The following MIR2052HG variants were observed in gnomAD, a reference collection of about 807,000 sequenced individuals.
MIR2052HG encodes MIR2052 host gene.
intron 5 of MIR2052HG, among the ~76,000 whole-genome samples, chr8:74,755,117 A>G (rs1418252668): frequency 6.6e-6 from 1 of 152,350 alleles, no homozygotes; most frequent in Admixed American, 6.5e-5. Context: ...TCTAAATCAT[A>G]ATAGCTCCTA....
intron 2 of MIR2052HG, among the ~76,000 whole-genome samples, chr8:74,695,499 T>G (rs2128740282): frequency 6.6e-6 from 1 of 152,204 alleles, no homozygotes; most frequent in East Asian, 1.9e-4. Context: ...AATGCTCCAC[T>G]TAAAGGATGC....
At chr8:74,670,005 C>T (rs981071207) in intron 2 of MIR2052HG, among the ~76,000 whole-genome samples, 4 of 152,164 alleles carry the variant, frequency 2.6e-5, no homozygotes, top group African/African-American at 9.7e-5. Context: ...TCTAATAGGA[C>T]TGTGACCTTG....
chr8:74,636,355 C>G (rs1275613165), intron 2 of MIR2052HG, among the ~76,000 whole-genome samples: 3 of 152,022 alleles, frequency 2.0e-5, no homozygotes, highest in Non-Finnish European at 4.4e-5. Context: ...ATTTAGGATG[C>G]TTTTACATTT....
At chr8:74,745,205 G>A (rs561932529) in intron 4 of MIR2052HG, among the ~76,000 whole-genome samples, 1 of 152,300 alleles carries the variant, frequency 6.6e-6, no homozygotes, top group South Asian at 2.1e-4. Flanking sequence ...CGAGGCTGCA[G>A]TGAGCTATGA....
intron 3 of MIR2052HG, among the ~76,000 whole-genome samples, chr8:74,703,452 A>C (rs1809377713): frequency 6.6e-6 from 1 of 152,038 alleles, no homozygotes; most frequent in South Asian, 2.1e-4. Flanking sequence ...TGCTGGCTCC[A>C]AGCTAACAAT....
intron 2 of MIR2052HG, among the ~76,000 whole-genome samples, chr8:74,623,892 G>A (rs1314973170): frequency 6.6e-6 from 1 of 152,138 alleles, no homozygotes; most frequent in Non-Finnish European, 1.5e-5. Flanking sequence ...GTTAAAGGTT[G>A]CCAGGGTGAA....
intron 4 of MIR2052HG, among the ~76,000 whole-genome samples, chr8:74,743,102 A>T (rs1257116850): frequency 6.6e-6 from 1 of 152,084 alleles, no homozygotes; most frequent in Non-Finnish European, 1.5e-5. Context: ...AACACCAAAA[A>T]ACAAAAAACA....
chr8:74,690,093 A>G (rs973446550), intron 2 of MIR2052HG, among the ~76,000 whole-genome samples: 3 of 152,254 alleles, frequency 2.0e-5, no homozygotes, highest in African/African-American at 7.2e-5. Flanking sequence ...ACAAAAGGAC[A>G]TAAAAAATGA....
At chr8:74,665,133 A>G (rs911737207) in intron 2 of MIR2052HG, among the ~76,000 whole-genome samples, 2 of 151,890 alleles carry the variant, frequency 1.3e-5, no homozygotes, top group Admixed American at 6.6e-5. Context: ...CAATCTCTAC[A>G]CTTACCATCT....
intron 2 of MIR2052HG, among the ~76,000 whole-genome samples, chr8:74,644,384 A>G (rs1014724676): frequency 7.9e-5 from 12 of 152,226 alleles, no homozygotes; most frequent in Non-Finnish European, 1.6e-4. Context: ...AACATGCTGT[A>G]CAGGTTTGTG....
intron 2 of MIR2052HG, among the ~76,000 whole-genome samples, chr8:74,664,487 C>T (rs1808900200): frequency 6.6e-6 from 1 of 152,042 alleles, no homozygotes; most frequent in Non-Finnish European, 1.5e-5. Flanking sequence ...TTCCATCCTA[C>T]ACCTTATCAA....
At chr8:74,726,791 C>T (rs756381271) in intron 4 of MIR2052HG, among the ~76,000 whole-genome samples, 1 of 152,138 alleles carries the variant, frequency 6.6e-6, no homozygotes, top group Non-Finnish European at 1.5e-5. Context: ...AAATACACTT[C>T]GTGTAGATAC....
intron 4 of MIR2052HG, among the ~76,000 whole-genome samples, chr8:74,738,989 A>G (rs1809799135): frequency 1.3e-5 from 2 of 152,210 alleles, no homozygotes; most frequent in Non-Finnish European, 2.9e-5. Context: ...TCTTTATAAT[A>G]ATGAATGCAA....
intron 1 of MIR2052HG, among the ~76,000 whole-genome samples, chr8:74,608,716 G>A (rs1412027548): frequency 2.6e-5 from 4 of 152,028 alleles, no homozygotes; most frequent in Non-Finnish European, 5.9e-5. Context: ...TAAACTGTGT[G>A]TCAAGAAAGG....
At chr8:74,613,131 A>G (rs1270081312) in intron 2 of MIR2052HG, among the ~76,000 whole-genome samples, 1 of 152,168 alleles carries the variant, frequency 6.6e-6, no homozygotes, top group Non-Finnish European at 1.5e-5. Context: ...TTAGACAGAA[A>G]TCTCTGGGTT....
At chr8:74,657,082 C>A (rs77717108) in intron 2 of MIR2052HG, among the ~76,000 whole-genome samples, 2,703 of 152,302 alleles carry the variant, frequency 0.018, 74 homozygotes, top group African/African-American at 0.062. Context: ...ACAAACACTG[C>A]AGCATACAGG....
intron 2 of MIR2052HG, among the ~76,000 whole-genome samples, chr8:74,666,278 A>G (rs1267555051): frequency 6.6e-6 from 1 of 152,168 alleles, no homozygotes; most frequent in South Asian, 2.1e-4. Context: ...ATAAAATCAC[A>G]TAATTCTTTT....
intron 3 of MIR2052HG, among the ~76,000 whole-genome samples, chr8:74,702,917 G>A (rs1809372346): frequency 6.6e-6 from 1 of 152,006 alleles, no homozygotes; most frequent in Non-Finnish European, 1.5e-5. Context: ...TGTTAAGAGG[G>A]TTCAGAAGAT....
chr8:74,741,409 G>T (rs943871883), intron 4 of MIR2052HG, among the ~76,000 whole-genome samples: 1 of 152,136 alleles, frequency 6.6e-6, no homozygotes, highest in Non-Finnish European at 1.5e-5. Flanking sequence ...GCTAAAAAAG[G>T]TTTGACCTTT....
Sources: allele counts gnomAD v4.1 joint callset (sites outside exome capture counted in the v4.1 genomes callset), GRCh38; gene constraint gnomAD v4.1.1; transcripts MANE v1.5; gene names NCBI Gene and HGNC (gene_info 2026-07-23, HGNC 2026-07-21).